The following DCC variants were observed in gnomAD, a reference collection of about 807,000 sequenced individuals.
DCC encodes the protein netrin receptor DCC.
DCC carries 58 observed loss-of-function variants against 172.5 expected under a neutral mutation model. The observed-to-expected ratio is 0.34, with a 90% CI of 0.27 to 0.42. The LOEUF (loss-of-function observed/expected upper bound fraction) is 0.42, where lower values mean the gene tolerates loss of function less well. DCC is among the 10% of genes least tolerant of loss of function. The pLI is 1.00. For missense variants in DCC, 1,740 were observed against 1,791.0 expected (o/e 0.97, Z 0.51); for synonymous variants, 709 against 644.5 (o/e 1.10, Z -1.52).
At chr18:52,590,783 ATTAAG>A (rs1234153926) in intron 1 of DCC, among the ~76,000 whole-genome samples, 4 of 152,244 alleles carry the variant, frequency 2.6e-5, no homozygotes, top group African/African-American at 9.6e-5. Flanking sequence ...CTTGTGCTTA[ATTAAG>A]TTCTACAAAG....
rs1269931007 is a variant in DCC, at chr18:53,407,555, A to ATATATATATATATATATATT, written c.2936-2896_2936-2895insATATATATATATATATATTT. Among the ~76,000 whole-genome samples, 27 of 140,480 alleles carry ATATATATATATATATATATT rather than the reference A, an allele frequency of 1.9e-4. 1 individual carries two copies. The highest frequency in any genetic ancestry group is 3.8e-4 in the Non-Finnish European group (24 of 63,938). 92.2% of individuals were successfully genotyped at this position (140,480 alleles called of 152,430 possible). ...TATATATATATATATATATATATAT[A>ATATATATATATATATATATT]TTCACTATTACTCTCTCTCTATATA... On this transcript the variant is annotated intron_variant, in intron 19 of 28. Transcript: ENST00000442544.
intron 28 of DCC, among the ~76,000 whole-genome samples, chr18:53,528,100 G>A (rs1298365454): frequency 6.6e-6 from 1 of 151,948 alleles, no homozygotes; most frequent in Non-Finnish European, 1.5e-5. Flanking sequence ...TCCTCTGTAA[G>A]CAATGCAACT....
intron 12 of DCC, among the ~76,000 whole-genome samples, chr18:53,292,547 G>T (rs1278845871): frequency 6.6e-6 from 1 of 152,056 alleles, no homozygotes; most frequent in East Asian, 1.9e-4. Context: ...AATTATCCAG[G>T]CATGGGTGGT....
intron 2 of DCC, among the ~76,000 whole-genome samples, chr18:52,873,384 C>T (rs969862410): frequency 2.0e-5 from 3 of 152,194 alleles, no homozygotes; most frequent in East Asian, 3.8e-4. Context: ...GTAGGAAATA[C>T]AGACATATCA....
intron 1 of DCC, among the ~76,000 whole-genome samples, chr18:52,645,956 A>G (rs559444734): frequency 6.6e-6 from 1 of 152,148 alleles, no homozygotes; most frequent in Non-Finnish European, 1.5e-5. Flanking sequence ...ACAATTTTGG[A>G]ATTACTTTCA....
At chr18:52,574,087 A>G (rs1039752533) in intron 1 of DCC, among the ~76,000 whole-genome samples, 6 of 152,192 alleles carry the variant, frequency 3.9e-5, no homozygotes, top group African/African-American at 1.4e-4. Context: ...TCAATCATTC[A>G]TCCATTTGTT....
chr18:52,429,981 A>G (rs900778625), intron 1 of DCC, among the ~76,000 whole-genome samples: 5 of 152,136 alleles, frequency 3.3e-5, no homozygotes, highest in Admixed American at 2.0e-4. Context: ...AGGTATAAGA[A>G]TATTTAAAGT....
chr18:53,215,779 A>G (rs2055836767), intron 12 of DCC, among the ~76,000 whole-genome samples, 182 bp downstream of exon 12: 1 of 152,202 alleles, frequency 6.6e-6, no homozygotes, highest in African/African-American at 2.4e-5. Context: ...AAGTAAATTA[A>G]ATGAAATATT....
chr18:52,578,257 T>C (rs1000468145), intron 1 of DCC, among the ~76,000 whole-genome samples: 1 of 152,236 alleles, frequency 6.6e-6, no homozygotes, highest in East Asian at 1.9e-4. Context: ...AGAGCTGTTA[T>C]GGCAGAAATA....
At chr18:52,372,626 G>A (rs12954847) in intron 1 of DCC, among the ~76,000 whole-genome samples, 22,666 of 152,116 alleles carry the variant, frequency 0.15, 1,842 homozygotes, top group African/African-American at 0.18. Flanking sequence ...GTCATTTAAC[G>A]TGAGTGTGAA....
intron 9 of DCC, among the ~76,000 whole-genome samples, chr18:53,180,805 C>A (rs2055183825): frequency 6.6e-6 from 1 of 151,912 alleles, no homozygotes; most frequent in Non-Finnish European, 1.5e-5. Context: ...TAGAGACGAG[C>A]TTTCACCATT....
intron 1 of DCC, among the ~76,000 whole-genome samples, chr18:52,505,162 A>G (rs1284976572): frequency 2.6e-5 from 4 of 152,142 alleles, no homozygotes; most frequent in Admixed American, 6.5e-5. Context: ...GTTTGTCGAA[A>G]TTATCAGCAA....
At chr18:53,044,093 G>A (rs998465341) in intron 5 of DCC, among the ~76,000 whole-genome samples, 7 of 151,778 alleles carry the variant, frequency 4.6e-5, no homozygotes, top group Non-Finnish European at 8.8e-5. Context: ...TTAATAAGGA[G>A]GTATTACCTT....
intron 12 of DCC, among the ~76,000 whole-genome samples, chr18:53,240,048 A>AAAC (rs1165414466): frequency 3.4e-5 from 5 of 148,306 alleles, no homozygotes; most frequent in African/African-American, 9.9e-5. Flanking sequence ...AAAAAAAAAA[A>AAAC]AACAACAAAA....
At position 52,720,190 on chromosome 18, in the gene DCC, C is replaced by T. The variant is rs574112244; in HGVS notation, c.92-31864C>T. ...CCAGTGTATTTCCTAGGCTGAGAGGCAAGCATGGCTCAATAGAGATCTGTA... is the reference window on the plus strand; with the variant it reads ...CCAGTGTATTTCCTAGGCTGAGAGGTAAGCATGGCTCAATAGAGATCTGTA... On this transcript the variant is annotated intron_variant, in intron 1 of 28. Coordinates refer to ENST00000442544, the MANE Select transcript of DCC (RefSeq NM_005215.4). Among the ~76,000 whole-genome samples the T allele has an allele frequency of 9.0e-4, 137 of 152,108 alleles. 1 individual carries two copies. In the South Asian group the frequency reaches 0.012, roughly 13 times the overall value.
At chr18:52,473,295 C>T (rs948595) in intron 1 of DCC, among the ~76,000 whole-genome samples, 54,526 of 151,988 alleles carry the variant, frequency 0.36, 10,203 homozygotes, top group Admixed American at 0.44. Flanking sequence ...AGTGGCCTTC[C>T]ATGTTGCTTC....
intron 1 of DCC, among the ~76,000 whole-genome samples, chr18:52,564,594 T>C (rs1355838006): frequency 6.8e-6 from 1 of 148,038 alleles, no homozygotes; most frequent in Non-Finnish European, 1.5e-5. Context: ...AGGAAACAAC[T>C]CTTCCAAATT....
chr18:52,911,163 G>C (rs1019894738), intron 3 of DCC, among the ~76,000 whole-genome samples: 1 of 152,004 alleles, frequency 6.6e-6, no homozygotes, highest in South Asian at 2.1e-4. Flanking sequence ...ATAATGATCT[G>C]TGTAACAAAG....
At chr18:52,853,237 T>C (rs1349000202) in intron 2 of DCC, among the ~76,000 whole-genome samples, 1 of 152,156 alleles carries the variant, frequency 6.6e-6, no homozygotes, top group African/African-American at 2.4e-5. Flanking sequence ...TTCAGAAGTT[T>C]AGTGCCTGGC....
Sources: allele counts gnomAD v4.1 joint callset (sites outside exome capture counted in the v4.1 genomes callset), GRCh38; gene constraint gnomAD v4.1.1; transcripts MANE v1.5; gene names NCBI Gene and HGNC (gene_info 2026-07-23, HGNC 2026-07-21).